The following MAP3K3 variants were observed in gnomAD, a reference collection of about 807,000 sequenced individuals.
MAP3K3 encodes the protein mitogen-activated protein kinase kinase kinase 3.
In MAP3K3, 12 loss-of-function variants were observed where a neutral mutation model predicts 80.9. That is an observed-to-expected ratio of 0.15 (90% CI 0.10 to 0.24). MAP3K3 has a LOEUF of 0.24. MAP3K3 is among the 10% of genes least tolerant of loss of function. MAP3K3 has a pLI of 1.00. For synonymous variants in MAP3K3, 272 were observed against 307.1 expected, an observed-to-expected ratio of 0.89 and a Z score of 1.19; for missense variants, 596 against 834.7, an observed-to-expected ratio of 0.71 and a Z score of 3.52.
At chr17:63,673,570 A>G (rs1487981653) in intron 6 of MAP3K3, among the ~76,000 whole-genome samples, 1 of 152,150 alleles carries the variant, frequency 6.6e-6, no homozygotes, top group African/African-American at 2.4e-5. Flanking sequence ...CTATTTTTCC[A>G]TGATACATTG....
chr17:63,623,993 G>C (rs1384836703), intron 1 of MAP3K3, among the ~76,000 whole-genome samples: 5 of 152,144 alleles, frequency 3.3e-5, no homozygotes, highest in Non-Finnish European at 7.4e-5. Context: ...TGAATGAATT[G>C]CCTTGTTCTA....
Position 63,692,502 on chromosome 17 carries a change from GGT to G in MAP3K3, c.1652+87_1652+88del. On this transcript the variant is annotated intron_variant, in intron 15 of 15. Transcript: ENST00000361733. The surrounding 1 kb of genome is among the most constrained non-coding windows in gnomAD (Gnocchi z 4.5). Reference sequence around the variant, plus strand: ...TAGAAACACACCCTGGGGACTTTGTGGTGTGGCAGGAGGGAGTGTGCCCAGGG... The same window carrying G: ...TAGAAACACACCCTGGGGACTTTGTGGTGGCAGGAGGGAGTGTGCCCAGGG... 7.0e-7 allele frequency: 1 copy of G among 1,428,768 alleles called. No homozygotes were observed. Among genetic ancestry groups the G allele is most frequent in the Non-Finnish European group, 9.4e-7 (1 of 1,068,316 alleles). The allele number at this position is 1,428,768 out of a possible 1,614,324, so 88.5% of individuals were successfully genotyped here.
chr17:63,656,360 T>C (rs1182278567), intron 4 of MAP3K3, among the ~76,000 whole-genome samples: 1 of 151,968 alleles, frequency 6.6e-6, no homozygotes, highest in African/African-American at 2.4e-5. Flanking sequence ...CCCACCAGTT[T>C]GGTAGGCTGA....
intron 6 of MAP3K3, among the ~76,000 whole-genome samples, chr17:63,668,989 G>T (rs534446988): frequency 6.6e-6 from 1 of 152,302 alleles, no homozygotes; most frequent in East Asian, 1.9e-4. Context: ...AGTAGAGAGA[G>T]ATATCTCAGG....
intron 5 of MAP3K3, among the ~76,000 whole-genome samples, chr17:63,661,201 C>G (rs554384832): frequency 2.0e-5 from 3 of 152,326 alleles, no homozygotes; most frequent in South Asian, 2.1e-4. Flanking sequence ...TGCATGCCAC[C>G]ATGCCCGGCT....
intron 3 of MAP3K3, among the ~76,000 whole-genome samples, chr17:63,649,330 G>T (rs1007496819): frequency 1.6e-4 from 24 of 151,868 alleles, no homozygotes; most frequent in Non-Finnish European, 3.4e-4. Context: ...CCAGCTACTC[G>T]GGAGGCTGAG....
At chr17:63,687,447 G>T (rs1247627397) in intron 8 of MAP3K3, among the ~76,000 whole-genome samples, 2 of 151,774 alleles carry the variant, frequency 1.3e-5, no homozygotes, top group Non-Finnish European at 2.9e-5. Context: ...AGGAGGCGGA[G>T]GTTGTAGTGA....
chr17:63,636,410 G>A (rs968258418), intron 2 of MAP3K3, among the ~76,000 whole-genome samples: 4 of 152,156 alleles, frequency 2.6e-5, no homozygotes, highest in South Asian at 2.1e-4. Flanking sequence ...AGCCTACAGC[G>A]TGGTTAGAGC....
At chr17:63,670,679 C>A (rs2035089833) in intron 6 of MAP3K3, among the ~76,000 whole-genome samples, 1 of 151,432 alleles carries the variant, frequency 6.6e-6, no homozygotes, top group Non-Finnish European at 1.5e-5. Flanking sequence ...GCCAGGAAAG[C>A]CTTAGGCATG....
At chr17:63,644,590 T>C (rs2034505703) in intron 2 of MAP3K3, among the ~76,000 whole-genome samples, 1 of 152,210 alleles carries the variant, frequency 6.6e-6, no homozygotes, top group South Asian at 2.1e-4. Flanking sequence ...TACCAATAGA[T>C]ATAATCCACA....
intron 1 of MAP3K3, among the ~76,000 whole-genome samples, chr17:63,623,880 C>T (rs183018031): frequency 3.3e-5 from 5 of 152,276 alleles, no homozygotes; most frequent in Admixed American, 3.3e-4. Flanking sequence ...TTAATGTTTG[C>T]CTTGCCCTAT....
intron 1 of MAP3K3, among the ~76,000 whole-genome samples, chr17:63,630,947 A>C (rs1346021336): frequency 6.6e-6 from 1 of 152,156 alleles, no homozygotes; most frequent in African/African-American, 2.4e-5. Context: ...GTCAGAGGGC[A>C]TATAGGGCAC....
intron 4 of MAP3K3, among the ~76,000 whole-genome samples, chr17:63,654,120 C>T (rs2034715996): frequency 6.6e-6 from 1 of 152,154 alleles, no homozygotes; most frequent in African/African-American, 2.4e-5. Flanking sequence ...CTGCCTGCCT[C>T]AGCCTCCCAA....
chr17:63,643,986 T>C (rs1474128469), intron 2 of MAP3K3, among the ~76,000 whole-genome samples: 1 of 152,202 alleles, frequency 6.6e-6, no homozygotes, highest in Non-Finnish European at 1.5e-5. Flanking sequence ...TTACAAGCGA[T>C]ATGACCTGAC....
At chr17:63,641,628 T>C (rs1464589090) in intron 2 of MAP3K3, among the ~76,000 whole-genome samples, 1 of 152,168 alleles carries the variant, frequency 6.6e-6, no homozygotes, top group South Asian at 2.1e-4. Flanking sequence ...GAGCCAAGAT[T>C]TGAAGCAGGC....
intron 6 of MAP3K3, among the ~76,000 whole-genome samples, chr17:63,671,820 G>C (rs1031456310): frequency 6.6e-6 from 1 of 152,154 alleles, no homozygotes; most frequent in African/African-American, 2.4e-5. Flanking sequence ...AAGCTAAGTG[G>C]CCTCAGTTTT....
rs769419918 is a variant in MAP3K3 at position 63,689,749 on chromosome 17, C to T, written c.1063+14C>T. On this transcript the variant is annotated intron_variant, in intron 11 of 15. Coordinates refer to ENST00000361733, the MANE Select transcript of MAP3K3 (RefSeq NM_002401.5). This position sits in a 1 kb window ranked among gnomAD's most constrained non-coding sequence, Gnocchi z 4.3. ...TGCCAACCAAGTGTGAGGAGCTGTC[C>T]CTGGCTAGGAGGAGACTGCCCAGGT... 24 of 1,601,208 alleles carry T rather than the reference C, an allele frequency of 1.5e-5. No homozygotes were observed. Among genetic ancestry groups the T allele is most frequent in the Middle Eastern group, 1.7e-4 (1 of 6,042 alleles).
chr17:63,634,877 C>T (rs1392042258), intron 2 of MAP3K3: 2 of 1,270,514 alleles, frequency 1.6e-6, no homozygotes, highest in East Asian at 2.3e-5. Context: ...GCAGAATTCA[C>T]TTCCCAGACA....
At chr17:63,676,343 TG>T (rs761628587) in intron 6 of MAP3K3, among the ~76,000 whole-genome samples, 2 of 152,158 alleles carry the variant, frequency 1.3e-5, no homozygotes, top group Non-Finnish European at 2.9e-5. Context: ...GTGCAGCTGA[TG>T]AAGGAGGGGA....
Sources: gnomAD v4.1 joint callset for allele counts (sites outside exome capture counted in the v4.1 genomes callset) on GRCh38, gnomAD v4.1.1 for gene constraint, Gnocchi (gnomAD v3.1) non-coding constraint, MANE v1.5 for transcripts, NCBI Gene and HGNC (gene_info 2026-07-23, HGNC 2026-07-21) for gene names.